IL10RA: variants seen among roughly 807,000 people sequenced by gnomAD.
IL10RA encodes the protein interleukin 10 receptor subunit alpha, also known as interleukin-10 receptor subunit alpha.
Under a neutral mutation model 29.6 loss-of-function variants are expected in IL10RA, and 18 were observed. The observed-to-expected ratio is 0.61, with a 90% CI of 0.42 to 0.90. IL10RA has a LOEUF of 0.90. IL10RA is among the 40% of genes least tolerant of loss of function. The pLI is 0.00. For missense variants in IL10RA, 634 were observed against 716.6 expected (o/e 0.88, Z 1.32); for synonymous variants, 292 against 294.1 (o/e 0.99, Z 0.07).
chr11:117,995,476 T>A, intron 5 of IL10RA, 113 bp from the exon 6 acceptor site: 1 of 1,410,106 alleles, frequency 7.1e-7, no homozygotes, highest in Non-Finnish European at 1.0e-6. Context: ...CTTGGGCCAC[T>A]CACTGAATGG....
chr11:117,993,272 G>C lies in IL10RA; in HGVS notation c.399G>C (p.Glu133Asp). 1.2e-6 allele frequency: 2 copies of C among 1,614,104 alleles called. No individual in the cohort carries two copies. Among genetic ancestry groups the C allele is most frequent in the Non-Finnish European group, 1.7e-6 (2 of 1,180,014 alleles). ...TGACAGTTGGCAGTGTGAACCTAGA[G>C]ATCCACAATGGCTTCATCCTCGGGA... is the stretch of plus-strand genomic sequence containing the variant. ...VTLTVGSVNL[E>D]IHNGFILGKI... The change falls in exon 4 of 7, where the codon GAG becomes GAC. Residue 133 changes from glutamate to aspartate, a missense_variant. Glu to Asp is a conservative substitution (Grantham distance 45). Transcript: ENST00000227752.
chr11:117,989,148 G>A lies in IL10RA; in HGVS notation c.189-294G>A, dbSNP rs1591261399. Among the ~76,000 whole-genome samples the A allele has an allele frequency of 6.6e-6, 1 of 151,892 alleles. No homozygotes were observed. The highest frequency in any genetic ancestry group is 1.5e-5 in the Non-Finnish European group (1 of 68,042). On this transcript the variant is annotated intron_variant, in intron 2 of 6. Transcript: ENST00000227752. The surrounding 1 kb of genome is among the most constrained non-coding windows in gnomAD (Gnocchi z 4.5). ...GAACACTAATGACTGTAAAGGCAGT[G>A]GGGAGAAGGGAGAGACCAGGCTGTG...
intron 3 of IL10RA, 79 bp from the exon 4 acceptor site, chr11:117,993,162 C>CA: frequency 1.5e-6 from 2 of 1,341,458 alleles, no homozygotes; most frequent in Non-Finnish European, 2.1e-6. Context: ...ATTCTGGAGG[C>CA]AAAGTCTCGG....
chr11:117,996,307 G>A lies in IL10RA; in HGVS notation c.810+597G>A, dbSNP rs2058056343. Among the ~76,000 whole-genome samples, 3 of 152,134 alleles carry A rather than the reference G, an allele frequency of 2.0e-5. 1 individual carries two copies. The South Asian group carries it at 6.2e-4, about 31-fold the overall frequency. ...GGGATGCTGGCAGGGGACAGGGAGGGGCTCATGGAGGAGGCCAAGCCCTCC... is the reference window on the plus strand; with the variant it reads ...GGGATGCTGGCAGGGGACAGGGAGGAGCTCATGGAGGAGGCCAAGCCCTCC... On this transcript the variant is annotated intron_variant, in intron 6 of 6. Coordinates refer to ENST00000227752, the MANE Select transcript of IL10RA (RefSeq NM_001558.4).
Position 117,986,421 on chromosome 11 carries a change from G to T in IL10RA, c.-47G>T, listed in dbSNP as rs1241550676. ...TCCCAGCCCAAGGGTAGCTGGAGGC[G>T]CGCAGGCCGGCTCCGCTCCGGCCCC... On this transcript the variant is annotated 5_prime_UTR_variant, in exon 1 of 7. Coordinates refer to ENST00000227752, the MANE Select transcript of IL10RA (RefSeq NM_001558.4). 4.6e-6 allele frequency: 7 copies of T among 1,531,822 alleles called. No individual in the cohort carries two copies. Among genetic ancestry groups the T allele is most frequent in the Non-Finnish European group, 5.3e-6 (6 of 1,133,682 alleles). The allele number at this position is 1,531,822 out of a possible 1,614,324, so 94.9% of individuals were successfully genotyped here.
Position 117,989,395 on chromosome 11 carries a change from G to T in IL10RA, c.189-47G>T. The T allele has an allele frequency of 6.4e-7, 1 of 1,557,640 alleles. No individual in the cohort carries two copies. The highest frequency in any genetic ancestry group is 8.9e-7 in the Non-Finnish European group (1 of 1,128,444). On this transcript the variant is annotated intron_variant, in intron 2 of 6. Transcript: ENST00000227752. This position sits in a 1 kb window ranked among gnomAD's most constrained non-coding sequence, Gnocchi z 4.5. ...CTTGCGTCTCCCTTAAAGGAGGTAGGATTGAGCACAAGCTCGTTTCCAGTG... is the reference window on the plus strand; with the variant it reads ...CTTGCGTCTCCCTTAAAGGAGGTAGTATTGAGCACAAGCTCGTTTCCAGTG...
rs758873001 is a variant in IL10RA at position 117,989,410 on chromosome 11, C to T, written c.189-32C>T. 2.1e-5 allele frequency: 34 copies of T among 1,599,838 alleles called. No individual in the cohort carries two copies. The highest frequency in any genetic ancestry group is 5.5e-5 in the South Asian group (5 of 90,748). ...AAGGAGGTAGGATTGAGCACAAGCT[C>T]GTTTCCAGTGCCTAACCTGGTATCT... On this transcript the variant is annotated intron_variant, in intron 2 of 6. Transcript: ENST00000227752. This position sits in a 1 kb window ranked among gnomAD's most constrained non-coding sequence, Gnocchi z 4.5.
At chr11:117,991,430 AT>A (rs1160502915) in intron 3 of IL10RA, among the ~76,000 whole-genome samples, 1 of 152,124 alleles carries the variant, frequency 6.6e-6, no homozygotes, top group African/African-American at 2.4e-5. Context: ...TCTTTCAGCT[AT>A]TTTGAAATAT....
rs1265651625 is a variant in IL10RA, at chr11:117,986,763, G to T, written c.67+229G>T. The T allele has an allele frequency of 4.6e-6, 7 of 1,530,742 alleles. No individual in the cohort carries two copies. The South Asian group carries it at 8.4e-5, about 18-fold the overall frequency. The allele number at this position is 1,530,742 out of a possible 1,614,324, so 94.8% of individuals were successfully genotyped here. A position where few individuals can be genotyped will look rare whatever the true frequency, so the allele number is the denominator to read the frequency against. On this transcript the variant is annotated intron_variant, in intron 1 of 6. Coordinates refer to ENST00000227752, the MANE Select transcript of IL10RA (RefSeq NM_001558.4). ...GGAAGGATAGAGAAGTATGCGCAAG[G>T]CCAAACCCCCAACCCGCAAACCTCA...
At chr11:117,991,124 G>C (rs977752358) in intron 3 of IL10RA, among the ~76,000 whole-genome samples, 20 of 152,142 alleles carry the variant, frequency 1.3e-4, no homozygotes, top group Admixed American at 2.6e-4. Flanking sequence ...CTTGAACTCA[G>C]GAGGCAGAGG....
chr11:117,986,785 C>CTCA, intron 1 of IL10RA: 1 of 1,526,638 alleles, frequency 6.6e-7, no homozygotes, highest in Non-Finnish European at 8.8e-7. Flanking sequence ...ACCCGCAAAC[C>CTCA]TCATCATCCA....
At chr11:117,990,885 A>G (rs1441617792) in intron 3 of IL10RA, among the ~76,000 whole-genome samples, 1 of 152,182 alleles carries the variant, frequency 6.6e-6, no homozygotes, top group Non-Finnish European at 1.5e-5. Context: ...CATATCTACC[A>G]TAAATATTAT....
chr11:117,987,121 C>G, intron 1 of IL10RA: 2 of 344,690 alleles, frequency 5.8e-6, no homozygotes, highest in South Asian at 4.5e-5. Flanking sequence ...GTTTCTGCAA[C>G]TAAGAAAAGT....
At chr11:117,988,137 G>T in intron 1 of IL10RA, 1 of 556,888 alleles carries the variant, frequency 1.8e-6, no homozygotes, top group South Asian at 2.0e-5. Flanking sequence ...ATCAGACTCA[G>T]CTTGGCTCTT....
Position 117,998,788 on chromosome 11 carries a change from C to A in IL10RA, c.884C>A (p.Pro295Gln), listed in dbSNP as rs56143179. ...CCAGAGACCCAAGACACCATCCACC[C>A]GCTTGATGAGGAGGCCTTTTTGAAG... ...PSPETQDTIH[P>Q]LDEEAFLKVS... Residue 295 changes from proline (P) to glutamine (Q), a missense_variant, in exon 7 of 7, where the codon CCG becomes CAG. Physicochemically the swap from Pro to Gln is moderately conservative, Grantham distance 76. Coordinates refer to ENST00000227752, the MANE Select transcript of IL10RA (RefSeq NM_001558.4). 1.2e-6 allele frequency: 2 copies of A among 1,614,162 alleles called. No individual in the cohort carries two copies. Among genetic ancestry groups the A allele is most frequent in the Non-Finnish European group, 1.7e-6 (2 of 1,180,004 alleles).
rs905395520 is a variant in IL10RA at position 118,000,962 on chromosome 11, G to A, written c.*1321G>A. ...CAAACAAAGGCAGTTCAGTCCACAG[G>A]CATGGAAGCTGTGAGGGGACAGGCC... is the stretch of plus-strand genomic sequence containing the variant. On this transcript the variant is annotated 3_prime_UTR_variant, in exon 7 of 7. Coordinates refer to ENST00000227752, the MANE Select transcript of IL10RA (RefSeq NM_001558.4). The A allele has an allele frequency of 2.2e-6, 1 of 454,056 alleles. No individual in the cohort carries two copies. The highest frequency in any genetic ancestry group is 4.4e-6 in the Non-Finnish European group (1 of 226,724). 28.1% of individuals were successfully genotyped at this position (454,056 alleles called of 1,614,324 possible). A position where few individuals can be genotyped will look rare whatever the true frequency, so the allele number is the denominator to read the frequency against.
At position 117,998,771 on chromosome 11, in the gene IL10RA, C is replaced by T; in HGVS notation, c.867C>T (p.Thr289=). Residue 289 remains threonine (T), a synonymous_variant, in exon 7 of 7, where the codon ACC becomes ACT. Transcript: ENST00000227752. ...TCAGCCAGCGTCCCTCCCCAGAGAC[C>T]CAAGACACCATCCACCCGCTTGATG... The part of the protein sequence containing the change: ...IFISQRPSPE[T]QDTIHPLDEE... The T allele has an allele frequency of 3.1e-6, 5 of 1,614,172 alleles. No individual in the cohort carries two copies. The highest frequency in any genetic ancestry group is 4.2e-6 in the Non-Finnish European group (5 of 1,180,038).
At position 117,989,603 on chromosome 11, in the gene IL10RA, G is replaced by A. The variant is rs199989396; in HGVS notation, c.350G>A (p.Arg117His). The A allele has an allele frequency of 5.0e-6, 8 of 1,614,038 alleles. No individual in the cohort carries two copies. In the East Asian group the frequency reaches 1.1e-4, roughly 22 times the overall value. ...RHSNWTVTNT[R>H]FSVDEVTLTV... ...TCCAACTGGACCGTCACCAACACCC[G>A]CTTCTCTGTGGATGAAGGTGCTTTT... The change falls in exon 3 of 7, where the codon CGC becomes CAC. Residue 117 changes from arginine to histidine, a missense_variant. Coordinates refer to ENST00000227752, the MANE Select transcript of IL10RA (RefSeq NM_001558.4). This position sits in a 1 kb window ranked among gnomAD's most constrained non-coding sequence, Gnocchi z 4.5.
At position 117,999,659 on chromosome 11, in the gene IL10RA, C is replaced by T. The variant is rs1461973736; in HGVS notation, c.*18C>T. Reference sequence around the variant, plus strand: ...GTGAGTGACTCGGGCTGAGAGGCTGCTTTTGATTTTAGCCATGCCTGCTCC... The same window carrying T: ...GTGAGTGACTCGGGCTGAGAGGCTGTTTTTGATTTTAGCCATGCCTGCTCC... On this transcript the variant is annotated 3_prime_UTR_variant, in exon 7 of 7. Coordinates refer to ENST00000227752, the MANE Select transcript of IL10RA (RefSeq NM_001558.4). 3 of 1,608,228 alleles carry T rather than the reference C, an allele frequency of 1.9e-6. No individual in the cohort carries two copies. Among genetic ancestry groups the T allele is most frequent in the Non-Finnish European group, 2.6e-6 (3 of 1,175,418 alleles).
Sources: gnomAD v4.1 joint callset for allele counts (sites outside exome capture counted in the v4.1 genomes callset) on GRCh38, gnomAD v4.1.1 for gene constraint, Gnocchi (gnomAD v3.1) non-coding constraint, MANE v1.5 for transcripts, NCBI Gene and HGNC (gene_info 2026-07-23, HGNC 2026-07-21) for gene names.